Variants in MICU1 observed in about 807,000 individuals in gnomAD.
MICU1 encodes mitochondrial calcium uptake 1.
A neutral mutation model predicts 56.8 loss-of-function variants in MICU1; 45 were observed. The observed-to-expected ratio is 0.79, with a 90% CI of 0.62 to 1.02. The LOEUF (loss-of-function observed/expected upper bound fraction) is 1.02, where lower values mean the gene tolerates loss of function less well. Among genes scored for constraint, MICU1 ranks in the 50% least tolerant of loss-of-function variants. MICU1 has a pLI of 0.00. For synonymous variants in MICU1, 186 were observed against 195.1 expected, an observed-to-expected ratio of 0.95 and a Z score of 0.39; for missense variants, 504 against 587.1, an observed-to-expected ratio of 0.86 and a Z score of 1.46.
At chr10:72,427,738 ATATATATAT>A (rs1864394239) in intron 8 of MICU1, among the ~76,000 whole-genome samples, 3 of 20,606 alleles carry the variant, frequency 1.5e-4, no homozygotes, top group Admixed American at 1.1e-3. Flanking sequence ...TCTAAAATAT[ATATATATAT>A]ATATATATAT....
intron 8 of MICU1, among the ~76,000 whole-genome samples, chr10:72,427,109 A>C (rs1460783223): frequency 3.3e-5 from 5 of 152,184 alleles, no homozygotes; most frequent in African/African-American, 1.2e-4. Flanking sequence ...CACCATCTGC[A>C]TTGTTTTTCC....
At chr10:72,458,591 C>A (rs1865545743) in intron 8 of MICU1, among the ~76,000 whole-genome samples, 1 of 152,036 alleles carries the variant, frequency 6.6e-6, no homozygotes, top group South Asian at 2.1e-4. Flanking sequence ...TAGAAAGCTG[C>A]AAACAGTATT....
chr10:72,395,057 T>C (rs1308436192), intron 10 of MICU1, among the ~76,000 whole-genome samples: 1 of 152,060 alleles, frequency 6.6e-6, no homozygotes, highest in Non-Finnish European at 1.5e-5. Flanking sequence ...CGGGTGCCTG[T>C]AATCCCAGCT....
At chr10:72,554,859 AC>A (rs777403965) in intron 3 of MICU1, among the ~76,000 whole-genome samples, 4 of 152,252 alleles carry the variant, frequency 2.6e-5, no homozygotes, top group African/African-American at 4.8e-5. Context: ...TACTAAAAAT[AC>A]AAAAATTAGG....
At chr10:72,574,746 T>C (rs1840699608) in intron 1 of MICU1, among the ~76,000 whole-genome samples, 1 of 152,102 alleles carries the variant, frequency 6.6e-6, no homozygotes, top group Non-Finnish European at 1.5e-5. Flanking sequence ...GTCACCAGCG[T>C]ATCCAGTGAG....
At chr10:72,376,005 G>A (rs539820631) in intron 10 of MICU1, 133 bp from the exon 11 acceptor site, 2 of 877,674 alleles carry the variant, frequency 2.3e-6, no homozygotes, top group East Asian at 5.7e-5. Context: ...AAAATGATAA[G>A]TTAGGCTGGC....
chr10:72,571,287 C>T (rs910302532), intron 1 of MICU1, among the ~76,000 whole-genome samples: 2 of 152,122 alleles, frequency 1.3e-5, no homozygotes, highest in Non-Finnish European at 2.9e-5. Context: ...TCACTTGAAC[C>T]GAGGAGGCGG....
At chr10:72,524,635 G>T (rs1867914770) in intron 5 of MICU1, 3 of 744,206 alleles carry the variant, frequency 4.0e-6, no homozygotes, top group South Asian at 6.9e-5. Context: ...AGGGAGCAGG[G>T]CAAGGACATA....
chr10:72,515,036 G>T (rs189625330), intron 5 of MICU1, among the ~76,000 whole-genome samples: 46 of 152,262 alleles, frequency 3.0e-4, no homozygotes, highest in African/African-American at 1.0e-3. Flanking sequence ...AAGCCTCAAA[G>T]CTGATTCCTT....
intron 4 of MICU1, among the ~76,000 whole-genome samples, chr10:72,537,608 C>T (rs1839668258): frequency 6.6e-6 from 1 of 152,124 alleles, no homozygotes. Context: ...ACTACCTTTG[C>T]CTTTTTATTG....
At chr10:72,524,720 C>T in intron 5 of MICU1, 1 of 1,231,622 alleles carries the variant, frequency 8.1e-7, no homozygotes, top group Non-Finnish European at 1.0e-6. Context: ...AAAGCACATG[C>T]TGCTGAGTCA....
chr10:72,500,245 T>TATAC lies in MICU1; in HGVS notation c.652+7906_652+7909dup, dbSNP rs1437634175. Among the ~76,000 whole-genome samples the TATAC allele has an allele frequency of 3.8e-4, 34 of 90,552 alleles. No homozygotes were observed. In the South Asian group the frequency reaches 3.9e-3, roughly 10 times the overall value. The allele number at this position is 90,552 out of a possible 152,430, so 59.4% of individuals were successfully genotyped here. A position where few individuals can be genotyped will look rare whatever the true frequency, so the allele number is the denominator to read the frequency against. ...GAAGTTGCTTAATGATAAACTATTATATACATACATACATACATATATATA... is the reference window on the plus strand; with the variant it reads ...GAAGTTGCTTAATGATAAACTATTATATACATACATACATACATACATATATATA... On this transcript the variant is annotated intron_variant, in intron 6 of 11. Transcript: ENST00000361114.
intron 6 of MICU1, among the ~76,000 whole-genome samples, chr10:72,487,431 A>G (rs1019110078): frequency 5.9e-5 from 9 of 152,212 alleles, no homozygotes; most frequent in Admixed American, 1.3e-4. Flanking sequence ...ATTTCTTCAA[A>G]TAACTGTAAC....
At chr10:72,486,686 G>A (rs1219095645) in intron 6 of MICU1, among the ~76,000 whole-genome samples, 1 of 152,144 alleles carries the variant, frequency 6.6e-6, no homozygotes, top group Non-Finnish European at 1.5e-5. Context: ...TGGCCAGGCT[G>A]GTCCCAAACT....
intron 3 of MICU1, chr10:72,560,267 T>C (rs1470118433): frequency 6.6e-6 from 1 of 152,258 alleles, no homozygotes; most frequent in African/African-American, 2.4e-5. Context: ...TAGCACCATG[T>C]TGGAACAGGG....
chr10:72,532,168 A>G (rs945696893), intron 5 of MICU1, among the ~76,000 whole-genome samples: 25 of 152,150 alleles, frequency 1.6e-4, no homozygotes, highest in African/African-American at 5.3e-4. Flanking sequence ...ATACAAAAAA[A>G]GTAGCTGGGC....
intron 5 of MICU1, among the ~76,000 whole-genome samples, chr10:72,525,156 A>T (rs1867927243): frequency 7.9e-6 from 1 of 126,398 alleles, no homozygotes; most frequent in Admixed American, 8.3e-5. Flanking sequence ...ATTGGTATTA[A>T]AAAAAAAAAA....
intron 1 of MICU1, among the ~76,000 whole-genome samples, chr10:72,612,424 A>C (rs1005190185): frequency 4.6e-5 from 7 of 152,206 alleles, no homozygotes; most frequent in Admixed American, 6.6e-5. Context: ...TTTCCTATAG[A>C]GCATGAAATT....
intron 8 of MICU1, among the ~76,000 whole-genome samples, chr10:72,446,818 G>A (rs11000301): frequency 0.46 from 69,608 of 152,022 alleles, 20,097 homozygotes; most frequent in Non-Finnish European, 0.67. Flanking sequence ...CTCAGTAAAT[G>A]TTGGCTGCTA....
Sources: allele counts gnomAD v4.1 joint callset (sites outside exome capture counted in the v4.1 genomes callset), GRCh38; gene constraint gnomAD v4.1.1; transcripts MANE v1.5; gene names NCBI Gene and HGNC (gene_info 2026-07-23, HGNC 2026-07-21).